PPARGC1B: variants seen among roughly 807,000 people sequenced by gnomAD.
The protein encoded by PPARGC1B is PPARG coactivator 1 beta, also known as peroxisome proliferator-activated receptor gamma coactivator 1-beta.
PPARGC1B carries 34 observed loss-of-function variants against 101.6 expected under a neutral mutation model. That is an observed-to-expected ratio of 0.33 (90% CI 0.25 to 0.45). The LOEUF is 0.45. Among genes scored for constraint, PPARGC1B ranks in the 20% least tolerant of loss-of-function variants. The pLI is 1.00. For synonymous variants in PPARGC1B, 548 were observed against 539.3 expected (o/e 1.02, Z -0.22); for missense variants, 1,234 against 1,317.6 (o/e 0.94, Z 0.98).
intron 1 of PPARGC1B, among the ~76,000 whole-genome samples, chr5:149,755,353 T>C (rs1052425092): frequency 6.6e-6 from 1 of 151,608 alleles, no homozygotes; most frequent in African/African-American, 2.4e-5. Flanking sequence ...TTGCCTCTGG[T>C]GTAGCTGGGA....
intron 1 of PPARGC1B, among the ~76,000 whole-genome samples, chr5:149,815,952 G>T (rs1758036901): frequency 6.6e-6 from 1 of 152,182 alleles, no homozygotes; most frequent in Non-Finnish European, 1.5e-5. Context: ...CTTAGCATGG[G>T]CCTTGGCATC....
Position 149,847,575 on chromosome 5 carries a change from C to G in PPARGC1B, c.*17C>G. 1 of 1,570,252 alleles carries G rather than the reference C, an allele frequency of 6.4e-7. No individual in the cohort carries two copies. The highest frequency in any genetic ancestry group is 1.7e-4 in the Middle Eastern group (1 of 5,962). ...CTGCATTGATAACAGCCTTAACCCT[C>G]GAGGAATACCTCAATACCTCAGACA... On this transcript the variant is annotated 3_prime_UTR_variant, in exon 12 of 12. Transcript: ENST00000309241.
In PPARGC1B at chr5:149,769,629, A is replaced by G. The variant is rs1188415069; in HGVS notation, c.78+39209A>G. 2.0e-5 allele frequency among the ~76,000 whole-genome samples: 3 copies of G among 152,248 alleles called. No individual in the cohort carries two copies. In the East Asian group the frequency reaches 5.8e-4, roughly 29 times the overall value. The stretch of plus-strand genomic sequence containing the variant: ...CTTCCTGTTGCTGCTGTAACAAACT[A>G]CCACACATGTAGTGCCTTAACACAG... On this transcript the variant is annotated intron_variant, in intron 1 of 11. Transcript: ENST00000309241.
chr5:149,749,399 A>G (rs1755207487), intron 1 of PPARGC1B, among the ~76,000 whole-genome samples: 1 of 152,186 alleles, frequency 6.6e-6, no homozygotes. Context: ...CGGGAATGTG[A>G]GACTTGTGGC....
At chr5:149,769,948 C>G (rs1476731413) in intron 1 of PPARGC1B, among the ~76,000 whole-genome samples, 1 of 152,136 alleles carries the variant, frequency 6.6e-6, no homozygotes, top group African/African-American at 2.4e-5. Flanking sequence ...TGAACCACAT[C>G]GGCAGAGTCC....
In PPARGC1B at chr5:149,837,761, T is replaced by C. The variant is rs990064068; in HGVS notation, c.2618+688T>C. 3.3e-5 allele frequency among the ~76,000 whole-genome samples: 5 copies of C among 152,190 alleles called. No individual in the cohort carries two copies. Among genetic ancestry groups the C allele is most frequent in the Admixed American group, 6.5e-5 (1 of 15,278 alleles). On this transcript the variant is annotated intron_variant, in intron 8 of 11. Transcript: ENST00000309241. The surrounding 1 kb of genome is among the most constrained non-coding windows in gnomAD (Gnocchi z 4.2). The stretch of plus-strand genomic sequence containing the variant: ...GGCAGATTCAGAGGGTACTGGTTGC[T>C]CCTCTCTGATCACAGTGGGTCCTGA...
intron 1 of PPARGC1B, among the ~76,000 whole-genome samples, chr5:149,777,376 C>A (rs932328599): frequency 1.2e-4 from 19 of 152,142 alleles, no homozygotes; most frequent in African/African-American, 4.6e-4. Flanking sequence ...TTCCCTTCCT[C>A]CCCCCACCAC....
chr5:149,836,700 C>G lies in PPARGC1B; in HGVS notation c.2245C>G (p.Pro749Ala), dbSNP rs201496880. The G allele has an allele frequency of 2.8e-5, 45 of 1,613,766 alleles. No individual in the cohort carries two copies. Among genetic ancestry groups the G allele is most frequent in the Non-Finnish European group, 3.6e-5 (42 of 1,180,008 alleles). Reference sequence around the variant, plus strand: ...CAGAAGCTGTGATGCTGGCGCCCCACCCAAGGACAGCACGCTGCTGAGAGA... The same window carrying G: ...CAGAAGCTGTGATGCTGGCGCCCCAGCCAAGGACAGCACGCTGCTGAGAGA... Reference protein sequence around the residue: ...EDRSCDAGAPPKDSTLLRDHE... With the variant: ...EDRSCDAGAPAKDSTLLRDHE... Residue 749 changes from proline to alanine, a missense_variant, in exon 8 of 12, where the codon CCC becomes GCC. Pro to Ala is a conservative substitution (Grantham distance 27). Around this residue, in one of 3 missense-constraint regions of PPARGC1B, gnomAD observed 497 missense variants for 529.5 expected, o/e 0.94. Transcript: ENST00000309241.
At chr5:149,787,606 C>T (rs900156201) in intron 1 of PPARGC1B, among the ~76,000 whole-genome samples, 4 of 152,132 alleles carry the variant, frequency 2.6e-5, no homozygotes, top group African/African-American at 9.7e-5. Flanking sequence ...GGTTGTGGGG[C>T]CAGCTCTTAA....
intron 1 of PPARGC1B, among the ~76,000 whole-genome samples, chr5:149,734,785 G>C: frequency 6.6e-6 from 1 of 152,126 alleles, no homozygotes; most frequent in East Asian, 1.9e-4. Flanking sequence ...TTACCAGTCT[G>C]TTCGTCAATA....
At chr5:149,771,972 A>G in intron 1 of PPARGC1B, 1 of 1,360,704 alleles carries the variant, frequency 7.3e-7, no homozygotes, top group African/African-American at 1.5e-5. Flanking sequence ...GCAACTCTGA[A>G]TTAGTTGCTG....
At chr5:149,827,968 C>G (rs556450400) in intron 3 of PPARGC1B, among the ~76,000 whole-genome samples, 2 of 152,262 alleles carry the variant, frequency 1.3e-5, no homozygotes, top group African/African-American at 4.8e-5. Flanking sequence ...AAAATCAGAG[C>G]CTGTTGGAGC....
chr5:149,765,170 C>G (rs1214789547), intron 1 of PPARGC1B, among the ~76,000 whole-genome samples: 1 of 152,244 alleles, frequency 6.6e-6, no homozygotes, highest in Non-Finnish European at 1.5e-5. Context: ...TGCCGTGTGA[C>G]TTGGGTCAGC....
chr5:149,778,710 G>A (rs1039666043), intron 1 of PPARGC1B, among the ~76,000 whole-genome samples: 3 of 152,104 alleles, frequency 2.0e-5, no homozygotes, highest in African/African-American at 7.2e-5. Flanking sequence ...GCCCCTTCCT[G>A]CCCAAGCTCC....
At chr5:149,734,109 G>C (rs1201474844) in intron 1 of PPARGC1B, among the ~76,000 whole-genome samples, 1 of 151,834 alleles carries the variant, frequency 6.6e-6, no homozygotes, top group Non-Finnish European at 1.5e-5. Flanking sequence ...ATCACCTGAG[G>C]TCAGGAGTTC....
chr5:149,833,668 A>G lies in PPARGC1B; in HGVS notation c.1595A>G (p.Gln532Arg), dbSNP rs1347178956. The G allele has an allele frequency of 1.2e-6, 2 of 1,610,174 alleles. No individual in the cohort carries two copies. Among genetic ancestry groups the G allele is most frequent in the South Asian group, 2.2e-5 (2 of 90,036 alleles). Residue 532 changes from glutamine (Q) to arginine (R), a missense_variant, in exon 5 of 12, where the codon CAA becomes CGA. Around this residue, in one of 3 missense-constraint regions of PPARGC1B, gnomAD observed 734 missense variants for 768.4 expected, o/e 0.96. Transcript: ENST00000309241. The surrounding 1 kb of genome is among the most constrained non-coding windows in gnomAD (Gnocchi z 4.1). ...LGSPTDEDSG[Q>R]DQQLLRGPQI... ...AGCCCCACGGACGAGGACAGTGGCCAAGACCAGCAGCTCCTACGGGGACCC... is the reference window on the plus strand; with the variant it reads ...AGCCCCACGGACGAGGACAGTGGCCGAGACCAGCAGCTCCTACGGGGACCC...
At position 149,848,864 on chromosome 5, in the gene PPARGC1B, G is replaced by A. The variant is rs1759672417; in HGVS notation, c.*1306G>A. Reference sequence around the variant, plus strand: ...GGCTGGGGCAGGGGAGCCAGGAGGAGGGAGTGAAGGTTGGGAATAGATAGG... The same window carrying A: ...GGCTGGGGCAGGGGAGCCAGGAGGAAGGAGTGAAGGTTGGGAATAGATAGG... On this transcript the variant is annotated 3_prime_UTR_variant, in exon 12 of 12. Coordinates refer to ENST00000309241, the MANE Select transcript of PPARGC1B (RefSeq NM_133263.4). 6.6e-6 allele frequency: 1 copy of A among 152,280 alleles called. No individual in the cohort carries two copies. Among genetic ancestry groups the A allele is most frequent in the Non-Finnish European group, 1.5e-5 (1 of 68,090 alleles). 9.4% of individuals were successfully genotyped at this position (152,280 alleles called of 1,614,324 possible).
chr5:149,783,660 G>T (rs557539069), intron 1 of PPARGC1B, among the ~76,000 whole-genome samples: 2 of 152,172 alleles, frequency 1.3e-5, no homozygotes, highest in African/African-American at 2.4e-5. Flanking sequence ...TCTCACCACC[G>T]CACTTGAGAC....
chr5:149,764,466 C>G (rs929721977), intron 1 of PPARGC1B, among the ~76,000 whole-genome samples: 4 of 152,168 alleles, frequency 2.6e-5, no homozygotes, highest in Admixed American at 2.6e-4. Flanking sequence ...ATAGGGAGGA[C>G]GTGATCTTTG....
Sources: gnomAD v4.1 joint callset for allele counts (sites outside exome capture counted in the v4.1 genomes callset) on GRCh38, gnomAD v4.1.1 for gene constraint, gnomAD v4.1.1 regional missense constraint, Gnocchi (gnomAD v3.1) non-coding constraint, MANE v1.5 for transcripts, NCBI Gene and HGNC (gene_info 2026-07-23, HGNC 2026-07-21) for gene names.